RORA: variants seen among roughly 807,000 people sequenced by gnomAD.
The protein encoded by RORA is nuclear receptor ROR-alpha.
Under a neutral mutation model 69.5 loss-of-function variants are expected in RORA, and 7 were observed. The observed-to-expected ratio is 0.10, with a 90% CI of 0.06 to 0.19. The LOEUF (loss-of-function observed/expected upper bound fraction) is 0.19. Among genes scored for constraint, RORA ranks in the 10% least tolerant of loss-of-function variants. The pLI is 1.00. For missense variants in RORA, 457 were observed against 663.0 expected (o/e 0.69, Z 3.41); for synonymous variants, 261 against 240.8 (o/e 1.08, Z -0.78).
chr15:60,580,001 A>G (rs1424179703), intron 2 of RORA, among the ~76,000 whole-genome samples: 1 of 152,212 alleles, frequency 6.6e-6, no homozygotes, highest in African/African-American at 2.4e-5. Context: ...AATAGCACTT[A>G]AAAATGAGTA....
intron 2 of RORA, among the ~76,000 whole-genome samples, chr15:60,558,862 T>C (rs1195210325): frequency 6.6e-6 from 1 of 152,166 alleles, no homozygotes; most frequent in Non-Finnish European, 1.5e-5. Context: ...GCCAATCTCA[T>C]TAGAATTCCC....
chr15:60,989,216 C>G (rs1275391063), intron 1 of RORA, among the ~76,000 whole-genome samples: 2 of 152,104 alleles, frequency 1.3e-5, no homozygotes, highest in Non-Finnish European at 2.9e-5. Context: ...TAAGTAATTG[C>G]TCCCCATCCC....
intron 1 of RORA, among the ~76,000 whole-genome samples, chr15:60,813,110 G>A (rs1424701692): frequency 6.6e-6 from 1 of 152,158 alleles, no homozygotes; most frequent in African/African-American, 2.4e-5. Flanking sequence ...TGCCTCCAAA[G>A]GCACCATAGG....
At chr15:61,056,815 C>T (rs1180156463) in intron 1 of RORA, among the ~76,000 whole-genome samples, 1 of 152,208 alleles carries the variant, frequency 6.6e-6, no homozygotes, top group Non-Finnish European at 1.5e-5. Flanking sequence ...CAAATAGTCA[C>T]CAATCACTAC....
At position 60,503,516 on chromosome 15, in the gene RORA, T is replaced by G. The variant is rs746066767; in HGVS notation, c.1075+19A>C. Reference sequence around the variant, plus strand: ...GCAGGTTAGGAAGAGATCTCAAAATTCACTTGCAAAGCACATACCTGCTTT... The same window carrying G: ...GCAGGTTAGGAAGAGATCTCAAAATGCACTTGCAAAGCACATACCTGCTTT... On this transcript the variant is annotated intron_variant, in intron 7 of 10. Transcript: ENST00000335670. The G allele has an allele frequency of 6.2e-7, 1 of 1,613,410 alleles. No individual in the cohort carries two copies. The highest frequency in any genetic ancestry group is 8.5e-7 in the Non-Finnish European group (1 of 1,179,658).
intron 1 of RORA, among the ~76,000 whole-genome samples, chr15:60,844,961 G>A (rs1441866543): frequency 6.6e-6 from 1 of 152,136 alleles, no homozygotes; most frequent in African/African-American, 2.4e-5. Context: ...TCCCTGGTAG[G>A]CATCAGTTGT....
intron 1 of RORA, among the ~76,000 whole-genome samples, chr15:60,860,180 T>C (rs971689028): frequency 5.3e-5 from 8 of 152,214 alleles, no homozygotes; most frequent in Non-Finnish European, 7.4e-5. Context: ...CAAGTTCAGA[T>C]GACCATGCAA....
At chr15:60,804,333 T>C (rs1364160640) in intron 1 of RORA, among the ~76,000 whole-genome samples, 1 of 147,378 alleles carries the variant, frequency 6.8e-6, no homozygotes, top group Non-Finnish European at 1.5e-5. Context: ...AACACATGTT[T>C]GCTCTGTGTT....
chr15:60,930,796 C>G (rs894924767), intron 1 of RORA, among the ~76,000 whole-genome samples: 1 of 152,146 alleles, frequency 6.6e-6, no homozygotes, highest in Admixed American at 6.5e-5. Flanking sequence ...CACCTGTAGA[C>G]TTTGAGGTCC....
chr15:60,692,655 T>TA (rs1208993153), intron 1 of RORA, among the ~76,000 whole-genome samples: 1 of 152,222 alleles, frequency 6.6e-6, no homozygotes, highest in East Asian at 1.9e-4. Context: ...AAAATGTTGG[T>TA]AAGGCTGAAT....
chr15:60,778,014 T>G (rs2072198425), intron 1 of RORA, among the ~76,000 whole-genome samples: 1 of 152,220 alleles, frequency 6.6e-6, no homozygotes, highest in Admixed American at 6.5e-5. Flanking sequence ...CAATATGAGC[T>G]TCTAGTGTAT....
chr15:60,990,103 G>T (rs1894327504), intron 1 of RORA, among the ~76,000 whole-genome samples: 1 of 152,142 alleles, frequency 6.6e-6, no homozygotes, highest in Admixed American at 6.5e-5. Context: ...TGAGCTTTTT[G>T]TTTCCCAGGA....
chr15:60,616,063 G>T (rs907162420), intron 2 of RORA, among the ~76,000 whole-genome samples: 1 of 152,184 alleles, frequency 6.6e-6, no homozygotes, highest in African/African-American at 2.4e-5. Flanking sequence ...AATGTGAAGA[G>T]CATTATAAAA....
At chr15:61,184,753 G>A (rs1314878347) in intron 1 of RORA, among the ~76,000 whole-genome samples, 2 of 152,056 alleles carry the variant, frequency 1.3e-5, no homozygotes, top group African/African-American at 4.8e-5. Flanking sequence ...GGAAAGCCAA[G>A]GTGGGAGAAT....
intron 1 of RORA, among the ~76,000 whole-genome samples, chr15:61,051,156 G>T (rs758028120): frequency 6.6e-6 from 1 of 152,230 alleles, no homozygotes; most frequent in Non-Finnish European, 1.5e-5. Context: ...TCTGAGCAGG[G>T]TGTGGAAGGA....
intron 1 of RORA, among the ~76,000 whole-genome samples, chr15:61,086,466 C>A (rs2078626597): frequency 6.6e-6 from 1 of 152,160 alleles, no homozygotes; most frequent in Non-Finnish European, 1.5e-5. Flanking sequence ...AGCCCCTCTA[C>A]CTGTTTGAAA....
At chr15:60,921,694 AG>A (rs1268156034) in intron 1 of RORA, among the ~76,000 whole-genome samples, 1 of 152,170 alleles carries the variant, frequency 6.6e-6, no homozygotes, top group African/African-American at 2.4e-5. Flanking sequence ...AAGAAAAAAC[AG>A]GGTTCAATTC....
chr15:61,059,988 G>GGAAGAGGAAGAAGAAGAAGAA (rs2078155885), intron 1 of RORA, among the ~76,000 whole-genome samples: 2 of 85,948 alleles, frequency 2.3e-5, no homozygotes, highest in African/African-American at 5.1e-5. Flanking sequence ...AAGAGGAAGA[G>GGAAGAGGAAGAAGAAGAAGAA]GAAGAAGAAG....
At chr15:60,630,957 G>C (rs1476506996) in intron 2 of RORA, among the ~76,000 whole-genome samples, 1 of 137,736 alleles carries the variant, frequency 7.3e-6, no homozygotes, top group Non-Finnish European at 1.5e-5. Flanking sequence ...CACAATCTCG[G>C]CTCACTGCAA....
Sources: gnomAD v4.1 joint callset for allele counts (sites outside exome capture counted in the v4.1 genomes callset) on GRCh38, gnomAD v4.1.1 for gene constraint, MANE v1.5 for transcripts, NCBI Gene and HGNC (gene_info 2026-07-23, HGNC 2026-07-21) for gene names.